The following DLG2 variants were observed in gnomAD, a reference collection of about 807,000 sequenced individuals.
The protein encoded by DLG2 is disks large homolog 2.
Under a neutral mutation model 132.5 loss-of-function variants are expected in DLG2, and 45 were observed. The observed-to-expected ratio is 0.34, with a 90% CI of 0.27 to 0.44. DLG2 has a LOEUF of 0.44. Among genes scored for constraint, DLG2 ranks in the 20% least tolerant of loss-of-function variants. DLG2 has a pLI of 1.00. For missense variants in DLG2, 1,045 were observed against 1,196.9 expected (o/e 0.87, Z 1.87); for synonymous variants, 424 against 419.6 (o/e 1.01, Z -0.13).
chr11:83,832,711 T>C (rs912568566), intron 17 of DLG2, among the ~76,000 whole-genome samples: 1 of 152,142 alleles, frequency 6.6e-6, no homozygotes, highest in Non-Finnish European at 1.5e-5. Context: ...TCACGTGATA[T>C]ACCCATATAA....
intron 19 of DLG2, among the ~76,000 whole-genome samples, chr11:83,614,659 G>A (rs567205380): frequency 6.6e-6 from 1 of 152,144 alleles, no homozygotes. Context: ...GGTTGAGGCT[G>A]CAGTGAGCCG....
At chr11:85,378,696 A>G (rs1596669711) in intron 3 of DLG2, among the ~76,000 whole-genome samples, 2 of 152,174 alleles carry the variant, frequency 1.3e-5, no homozygotes, top group Non-Finnish European at 2.9e-5. Context: ...AATAGACAAC[A>G]CCTCCTAAAT....
At chr11:85,362,519 T>C (rs943634803) in intron 3 of DLG2, among the ~76,000 whole-genome samples, 2 of 152,040 alleles carry the variant, frequency 1.3e-5, no homozygotes, top group Non-Finnish European at 2.9e-5. Context: ...TTTGGTGGAG[T>C]CTTTAGAGTT....
At chr11:85,570,937 T>A (rs2077809612) in intron 3 of DLG2, among the ~76,000 whole-genome samples, 1 of 152,132 alleles carries the variant, frequency 6.6e-6, no homozygotes, top group Non-Finnish European at 1.5e-5. Flanking sequence ...AAACCAGAAT[T>A]CCTGTTTGAT....
intron 4 of DLG2, among the ~76,000 whole-genome samples, chr11:85,164,050 G>C (rs1258322818): frequency 6.6e-6 from 1 of 152,092 alleles, no homozygotes; most frequent in East Asian, 1.9e-4. Flanking sequence ...TCTGGGGCTG[G>C]TGAAGCCAAA....
chr11:85,070,152 G>A (rs1213960322), intron 6 of DLG2, among the ~76,000 whole-genome samples: 24 of 151,954 alleles, frequency 1.6e-4, no homozygotes, highest in East Asian at 7.8e-4. Flanking sequence ...GGGGCCTGTC[G>A]TGGGGTGGGT....
intron 8 of DLG2, among the ~76,000 whole-genome samples, chr11:84,215,946 G>T (rs922265795): frequency 1.3e-5 from 2 of 152,144 alleles, no homozygotes; most frequent in Admixed American, 1.3e-4. Context: ...GACTTGTTCG[G>T]TAAGTTTTGG....
chr11:84,909,291 G>T (rs1335686828), intron 6 of DLG2, among the ~76,000 whole-genome samples: 1 of 152,052 alleles, frequency 6.6e-6, no homozygotes, highest in African/African-American at 2.4e-5. Context: ...TAAACAGAGG[G>T]GTAATGTTTC....
chr11:83,992,076 G>T (rs188340441), intron 11 of DLG2, among the ~76,000 whole-genome samples: 2 of 152,266 alleles, frequency 1.3e-5, no homozygotes, highest in Admixed American at 1.3e-4. Flanking sequence ...ACCACTAAAA[G>T]CTAGGGAAGA....
chr11:83,608,733 CAGAG>C (rs35163308), intron 19 of DLG2, among the ~76,000 whole-genome samples: 8 of 149,542 alleles, frequency 5.3e-5, no homozygotes, highest in Non-Finnish European at 7.4e-5. Context: ...CGCACACACA[CAGAG>C]AGAGAGAGAG....
intron 18 of DLG2, among the ~76,000 whole-genome samples, chr11:83,665,415 C>G (rs1157741010): frequency 6.6e-6 from 1 of 152,114 alleles, no homozygotes; most frequent in Admixed American, 6.5e-5. Context: ...AGAGTTAAAC[C>G]AGCAAACAGT....
rs144065950 is a variant in DLG2, at chr11:83,597,030, T to C, written c.1940+36181A>G. 1.8e-3 allele frequency among the ~76,000 whole-genome samples: 271 copies of C among 152,324 alleles called. 1 individual carries two copies. The highest frequency in any genetic ancestry group is 3.0e-3 in the Non-Finnish European group (203 of 68,020). The stretch of plus-strand genomic sequence containing the variant: ...CTTCACTGAGACAGTGAAGCAATTC[T>C]GTGATGATCAAAGGAGATCTGAGTT... On this transcript the variant is annotated intron_variant, in intron 19 of 27. Transcript: ENST00000376104.
intron 6 of DLG2, among the ~76,000 whole-genome samples, chr11:84,802,860 C>T (rs2075573138): frequency 1.3e-5 from 2 of 152,070 alleles, no homozygotes; most frequent in Non-Finnish European, 2.9e-5. Context: ...AGTACAGAGG[C>T]GCGATCTCGG....
At chr11:84,916,385 A>G (rs2092471955) in intron 6 of DLG2, among the ~76,000 whole-genome samples, 1 of 142,274 alleles carries the variant, frequency 7.0e-6, no homozygotes, top group Non-Finnish European at 1.6e-5. Flanking sequence ...AAAAAGAAGC[A>G]GTAAAATGGC....
intron 6 of DLG2, among the ~76,000 whole-genome samples, chr11:84,840,259 T>C (rs2080454164): frequency 6.6e-6 from 1 of 152,132 alleles, no homozygotes; most frequent in South Asian, 2.1e-4. Context: ...TTACTGGCCA[T>C]CAGAGAAATG....
chr11:84,798,457 A>G (rs2074956359), intron 6 of DLG2, among the ~76,000 whole-genome samples: 1 of 151,898 alleles, frequency 6.6e-6, no homozygotes, highest in South Asian at 2.1e-4. Context: ...CATCACCACC[A>G]CCACTGGCCC....
chr11:85,103,881 A>G (rs79882570), intron 6 of DLG2, among the ~76,000 whole-genome samples: 2,068 of 152,056 alleles, frequency 0.014, 46 homozygotes, highest in African/African-American at 0.046. Flanking sequence ...TAATAAAAAG[A>G]CAAAAGCATT....
chr11:84,111,481 C>T (rs367658575), intron 9 of DLG2, among the ~76,000 whole-genome samples: 1 of 152,234 alleles, frequency 6.6e-6, no homozygotes, highest in East Asian at 1.9e-4. Context: ...GTATTTCTCT[C>T]TCTCAATCTA....
chr11:85,449,521 A>G lies in DLG2; in HGVS notation c.40+149136T>C, dbSNP rs116497304. ...CCTATTCTGCCCCTTCTTTTTAATTATATCTTATTCCTTTCTTATATTAGA... is the reference window on the plus strand; with the variant it reads ...CCTATTCTGCCCCTTCTTTTTAATTGTATCTTATTCCTTTCTTATATTAGA... On this transcript the variant is annotated intron_variant, in intron 3 of 27. Transcript: ENST00000376104. Among the ~76,000 whole-genome samples, 164 of 151,876 alleles carry G rather than the reference A, an allele frequency of 1.1e-3. 1 individual carries two copies. The highest frequency in any genetic ancestry group is 3.8e-3 in the African/African-American group (159 of 41,436).
Sources: gnomAD v4.1 joint callset for allele counts (sites outside exome capture counted in the v4.1 genomes callset) on GRCh38, gnomAD v4.1.1 for gene constraint, MANE v1.5 for transcripts, NCBI Gene and HGNC (gene_info 2026-07-23, HGNC 2026-07-21) for gene names.